ZBTB46: variants seen among roughly 807,000 people sequenced by gnomAD.
ZBTB46 encodes zinc finger and BTB domain-containing protein 46.
Under a neutral mutation model 44.1 loss-of-function variants are expected in ZBTB46, and 8 were observed. The observed-to-expected ratio is 0.18, with a 90% CI of 0.11 to 0.33. The LOEUF (loss-of-function observed/expected upper bound fraction) is 0.33, where lower values mean the gene tolerates loss of function less well. Ranked by LOEUF, ZBTB46 falls within the 10% of genes least tolerant of loss-of-function variation. ZBTB46 has a pLI of 1.00. For synonymous variants in ZBTB46, 409 were observed against 382.3 expected, an observed-to-expected ratio of 1.07 and a Z score of -0.81; for missense variants, 651 against 847.7, an observed-to-expected ratio of 0.77 and a Z score of 2.88.
intron 1 of ZBTB46, among the ~76,000 whole-genome samples, chr20:63,792,974 G>A (rs1245003912): frequency 1.3e-5 from 2 of 152,174 alleles, no homozygotes; most frequent in Non-Finnish European, 1.5e-5. Context: ...CCCCACAGCC[G>A]GTGTTGCCTG....
At chr20:63,815,692 C>T (rs2092748074) in intron 1 of ZBTB46, among the ~76,000 whole-genome samples, 1 of 141,618 alleles carries the variant, frequency 7.1e-6, no homozygotes, top group South Asian at 2.3e-4. Context: ...GCAGTGAGTG[C>T]AGGTGCAGGT....
At chr20:63,833,270 G>A (rs1356769614), upstream of ZBTB46, among the ~76,000 whole-genome samples, 1 of 152,230 alleles carries the variant, frequency 6.6e-6, no homozygotes, top group East Asian at 1.9e-4. Context: ...AACCCCACCT[G>A]CCAGGTTAGG....
At position 63,790,132 on chromosome 20, in the gene ZBTB46, T is replaced by G. The variant is rs146183314; in HGVS notation, c.626A>C (p.Asp209Ala). The G allele has an allele frequency of 6.2e-7, 1 of 1,614,004 alleles. No homozygotes were observed. The highest frequency in any genetic ancestry group is 1.1e-5 in the South Asian group (1 of 91,086). The change falls in exon 2 of 5, where the codon GAT becomes GCT. Residue 209 changes from aspartate to alanine, a missense_variant. Coordinates refer to ENST00000245663, the MANE Select transcript of ZBTB46 (RefSeq NM_001369741.1). Reference protein sequence around the residue: ...EDQEPKADGPDDVSSQPLWPG... With the variant: ...EDQEPKADGPADVSSQPLWPG... ...CCATAGAGGCTGTGAAGAAACATCA[T>G]CAGGGCCATCGGCCTTGGGCTCCTG...
At position 63,803,703 on chromosome 20, in the gene ZBTB46, G is replaced by C. The variant is rs1026200427; in HGVS notation, c.-33-12913C>G. Reference sequence around the variant, plus strand: ...CTCCGCCTTCCCGAACCTGGCTACCGTCACTTCCTTCTTTTTGTTTTTGTA... The same window carrying C: ...CTCCGCCTTCCCGAACCTGGCTACCCTCACTTCCTTCTTTTTGTTTTTGTA... On this transcript the variant is annotated intron_variant, in intron 1 of 4. Transcript: ENST00000245663. This position sits in a 1 kb window ranked among gnomAD's most constrained non-coding sequence, Gnocchi z 4.0. Among the ~76,000 whole-genome samples the C allele has an allele frequency of 1.3e-5, 2 of 151,936 alleles. No homozygotes were observed. The highest frequency in any genetic ancestry group is 2.9e-5 in the Non-Finnish European group (2 of 67,994).
At chr20:63,806,228 C>A (rs1273220925) in intron 1 of ZBTB46, among the ~76,000 whole-genome samples, 1 of 148,568 alleles carries the variant, frequency 6.7e-6, no homozygotes, top group Non-Finnish European at 1.5e-5. Context: ...ATAGTGAAAC[C>A]CCGTCTCTAC....
At chr20:63,816,073 T>C (rs1426587871) in intron 1 of ZBTB46, among the ~76,000 whole-genome samples, 1 of 112,722 alleles carries the variant, frequency 8.9e-6, no homozygotes, top group Admixed American at 9.9e-5. Flanking sequence ...GCAGGTGCAG[T>C]GGGCACAGGT....
Position 63,825,349 on chromosome 20 carries a change from C to T in ZBTB46, c.-34+5748G>A, listed in dbSNP as rs544279250. ...CCGGGAGGCAGAGGTTGTAATGAGC[C>T]GAGATCTCGTCACTGCACTCCAGCC... On this transcript the variant is annotated intron_variant, in intron 1 of 4. Transcript: ENST00000245663. 4.1e-5 allele frequency among the ~76,000 whole-genome samples: 6 copies of T among 147,200 alleles called. No homozygotes were observed. In the South Asian group the frequency reaches 8.7e-4, roughly 21 times the overall value.
intron 4 of ZBTB46, among the ~76,000 whole-genome samples, chr20:63,751,199 T>C (rs1284328937): frequency 7.0e-6 from 1 of 142,324 alleles, no homozygotes; most frequent in Non-Finnish European, 1.5e-5. Context: ...CAGAAGCACA[T>C]CCTCCGCTAC....
intron 1 of ZBTB46, among the ~76,000 whole-genome samples, chr20:63,794,014 G>A (rs1027949288): frequency 1.3e-5 from 2 of 151,890 alleles, no homozygotes; most frequent in East Asian, 3.9e-4. Flanking sequence ...GTGAAACCCC[G>A]TCTCTACTAA....
intron 1 of ZBTB46, among the ~76,000 whole-genome samples, chr20:63,814,564 G>C (rs932797131): frequency 6.6e-6 from 1 of 152,062 alleles, no homozygotes; most frequent in Non-Finnish European, 1.5e-5. Context: ...CAGGGGGAGA[G>C]AACCCCAAGA....
intron 1 of ZBTB46, among the ~76,000 whole-genome samples, chr20:63,827,374 G>A (rs1317845475): frequency 3.3e-5 from 5 of 152,086 alleles, no homozygotes; most frequent in South Asian, 2.1e-4. Flanking sequence ...TTGGGAGGCC[G>A]AGGCGGGTGG....
intron 2 of ZBTB46, among the ~76,000 whole-genome samples, chr20:63,785,514 C>T (rs1380719033): frequency 6.6e-6 from 1 of 151,834 alleles, no homozygotes; most frequent in Non-Finnish European, 1.5e-5. Context: ...GAGTCGAGAT[C>T]ACACCACCGC....
intron 4 of ZBTB46, among the ~76,000 whole-genome samples, chr20:63,749,329 G>C (rs552716566): frequency 8.0e-6 from 1 of 125,010 alleles, no homozygotes; most frequent in East Asian, 2.4e-4. Flanking sequence ...CTTTTGTTTT[G>C]CTGTATTTTA....
intron 3 of ZBTB46, among the ~76,000 whole-genome samples, chr20:63,762,588 AG>A (rs2092286315): frequency 6.6e-6 from 1 of 151,954 alleles, no homozygotes; most frequent in Non-Finnish European, 1.5e-5. Flanking sequence ...TGGGAGACAG[AG>A]GTTGCAGTGA....
chr20:63,765,879 A>G (rs922598594), intron 3 of ZBTB46, among the ~76,000 whole-genome samples: 1 of 152,216 alleles, frequency 6.6e-6, no homozygotes, highest in African/African-American at 2.4e-5. Context: ...TCTATGGCAC[A>G]TGTCTACAAT....
intron 4 of ZBTB46, among the ~76,000 whole-genome samples, chr20:63,748,450 A>C (rs1008479680): frequency 6.6e-6 from 1 of 152,222 alleles, no homozygotes; most frequent in African/African-American, 2.4e-5. Context: ...AGACATGGCC[A>C]GGGATGGGGA....
intron 1 of ZBTB46, among the ~76,000 whole-genome samples, chr20:63,795,598 G>C (rs1225940280): frequency 6.6e-6 from 1 of 152,232 alleles, no homozygotes; most frequent in Non-Finnish European, 1.5e-5. Context: ...GCACAGCTGG[G>C]AGGGATTCAG....
chr20:63,768,012 C>G, intron 3 of ZBTB46: 6 of 985,432 alleles, frequency 6.1e-6, no homozygotes, highest in Non-Finnish European at 7.2e-6. Context: ...AGTTACAGAC[C>G]GTCAGGATGG....
In ZBTB46 at chr20:63,752,788, G is replaced by A. The variant is rs888266644; in HGVS notation, c.1296C>T (p.Ile432=). The A allele has an allele frequency of 1.9e-6, 3 of 1,613,136 alleles. No homozygotes were observed. Among genetic ancestry groups the A allele is most frequent in the Non-Finnish European group, 2.5e-6 (3 of 1,179,552 alleles). ...TGTGCGAGCGCATGTGTCGCTTGAGGATGCACTGGTGCATGGCCGAGAAGC... is the reference window on the plus strand; with the variant it reads ...TGTGCGAGCGCATGTGTCGCTTGAGAATGCACTGGTGCATGGCCGAGAAGC... ...YCSFSAMHQC[I]LKRHMRSHTG... The change falls in exon 4 of 5, where the codon ATC becomes ATT. Residue 432 remains isoleucine (I), a synonymous_variant. Transcript: ENST00000245663. This position sits in a 1 kb window ranked among gnomAD's most constrained non-coding sequence, Gnocchi z 5.6.
Sources: gnomAD v4.1 joint callset for allele counts (sites outside exome capture counted in the v4.1 genomes callset) on GRCh38, gnomAD v4.1.1 for gene constraint, Gnocchi (gnomAD v3.1) non-coding constraint, MANE v1.5 for transcripts, NCBI Gene and HGNC (gene_info 2026-07-23, HGNC 2026-07-21) for gene names.